Variants in LRRK1 observed in about 807,000 individuals in gnomAD.
The protein encoded by LRRK1 is leucine rich repeat kinase 1.
In LRRK1, 113 loss-of-function variants were observed where a neutral mutation model predicts 209.1. That is an observed-to-expected ratio of 0.54 (90% confidence interval 0.46 to 0.63). LRRK1 has a LOEUF of 0.63. Among genes scored for constraint, LRRK1 ranks in the 30% least tolerant of loss-of-function variants. The pLI is 0.00. For missense variants in LRRK1, 2,284 were observed against 2,632.2 expected (o/e 0.87, Z 2.89); for synonymous variants, 1,144 against 1,099.7 (o/e 1.04, Z -0.80).
At position 100,986,368 on chromosome 15, in the gene LRRK1, T is replaced by C. The variant is rs538481812; in HGVS notation, c.434-2266T>C. Reference sequence around the variant, plus strand: ...GGGGCTCCTCTGAGTGTCGTTGGCCTTAGGCTGTAGAGAGTACCTGTAGGG... The same window carrying C: ...GGGGCTCCTCTGAGTGTCGTTGGCCCTAGGCTGTAGAGAGTACCTGTAGGG... On this transcript the variant is annotated intron_variant, in intron 4 of 33. Transcript: ENST00000388948. 5.3e-5 allele frequency among the ~76,000 whole-genome samples: 8 copies of C among 152,342 alleles called. No individual in the cohort carries two copies. In the South Asian group the frequency reaches 1.7e-3, roughly 32 times the overall value.
chr15:100,992,598 A>G (rs2032203618), intron 6 of LRRK1, among the ~76,000 whole-genome samples: 1 of 152,146 alleles, frequency 6.6e-6, no homozygotes, highest in East Asian at 1.9e-4. Context: ...TTGTTATTTC[A>G]TTAATTTTCA....
At chr15:100,924,458 GAGGAGGAC>G in intron 1 of LRRK1, 45 bp from the exon 2 acceptor site, 1 of 597,650 alleles carries the variant, frequency 1.7e-6, no homozygotes, top group Non-Finnish European at 3.0e-6. Context: ...ATTTGCAGGG[GAGGAGGAC>G]AGGAATTATA....
rs60272012 is a variant in LRRK1 at position 101,031,738 on chromosome 15, A to ATT, written c.2963+2519_2963+2520dup. Among the ~76,000 whole-genome samples the ATT allele has an allele frequency of 3.7e-4, 53 of 142,774 alleles. 2 individuals are homozygous for ATT. The highest frequency in any genetic ancestry group is 1.6e-3 in the East Asian group (8 of 4,928). 93.7% of individuals were successfully genotyped at this position (142,774 alleles called of 152,430 possible). A position where few individuals can be genotyped will look rare whatever the true frequency, so the allele number is the denominator to read the frequency against. ...CTGTACACTCCATTTCCTCCCCACT[A>ATT]TTTTTTTTTTTTTTGAGATGGAGTC... On this transcript the variant is annotated intron_variant, in intron 20 of 33. Transcript: ENST00000388948.
intron 12 of LRRK1, among the ~76,000 whole-genome samples, chr15:101,016,806 G>A (rs941095738): frequency 6.6e-6 from 1 of 152,194 alleles, no homozygotes; most frequent in African/African-American, 2.4e-5. Context: ...AAGCCCACAT[G>A]GATCACGGCC....
chr15:101,022,261 G>T lies in LRRK1; in HGVS notation c.1853-122G>T. 1.0e-6 allele frequency: 1 copy of T among 973,140 alleles called. No homozygotes were observed. Among genetic ancestry groups the T allele is most frequent in the Non-Finnish European group, 1.6e-6 (1 of 631,394 alleles). 60.3% of individuals were successfully genotyped at this position (973,140 alleles called of 1,614,324 possible). On this transcript the variant is annotated intron_variant, in intron 14 of 33. Transcript: ENST00000388948. The surrounding 1 kb of genome is among the most constrained non-coding windows in gnomAD (Gnocchi z 4.0). ...TGCCTTCCCTCCCCCTGATCCAGTA[G>T]TCTTCCTTAACTGTCCCCACTAAAA...
intron 12 of LRRK1, among the ~76,000 whole-genome samples, chr15:101,016,606 G>A (rs1383783646): frequency 2.6e-5 from 4 of 152,120 alleles, no homozygotes; most frequent in East Asian, 1.9e-4. Context: ...TTAGAGCTTC[G>A]ACATATGAAT....
intron 2 of LRRK1, among the ~76,000 whole-genome samples, chr15:100,962,823 ATT>A (rs1161979293): frequency 0.098 from 1,116 of 11,360 alleles, 86 homozygotes; most frequent in East Asian, 0.31. Context: ...ATATATATAT[ATT>A]TTTTTTTTTT....
chr15:101,040,358 T>A (rs1390960022), intron 20 of LRRK1, among the ~76,000 whole-genome samples: 1 of 152,152 alleles, frequency 6.6e-6, no homozygotes, highest in Non-Finnish European at 1.5e-5. Flanking sequence ...ATCTCTGGAA[T>A]GTGTAGTGAT....
At chr15:101,064,720 A>G (rs1292387355) in intron 31 of LRRK1, 4 of 151,934 alleles carry the variant, frequency 2.6e-5, no homozygotes, top group African/African-American at 1.0e-4. Context: ...TTCTTCCAGA[A>G]TTAGTTCAGC....
At chr15:101,010,913 C>A in intron 9 of LRRK1, 76 bp downstream of exon 9, 3 of 1,365,376 alleles carry the variant, frequency 2.2e-6, no homozygotes, top group Middle Eastern at 2.1e-4. Context: ...CCCTCAGGTG[C>A]ATTATGTCAG....
Position 101,065,341 on chromosome 15 carries a change from C to T in LRRK1, c.4915-11C>T. 6.2e-7 allele frequency: 1 copy of T among 1,609,984 alleles called. No individual in the cohort carries two copies. The highest frequency in any genetic ancestry group is 8.5e-7 in the Non-Finnish European group (1 of 1,178,834). On this transcript the variant is annotated splice_polypyrimidine_tract_variant and intron_variant, in intron 31 of 33. Coordinates refer to ENST00000388948, the MANE Select transcript of LRRK1 (RefSeq NM_024652.6). ...GGAAGGATGTGACACATCCCTGTCT[C>T]CTTCCTTCAGAATTCCTACCTGGTC...
intron 3 of LRRK1, 77 bp downstream of exon 3, chr15:100,974,044 G>A (rs1465665898): frequency 5.4e-5 from 63 of 1,170,438 alleles, no homozygotes; most frequent in Non-Finnish European, 6.6e-5. Context: ...TGATTTTCTC[G>A]TTATTGTCAT....
chr15:100,928,957 C>T (rs1204138882), intron 2 of LRRK1, among the ~76,000 whole-genome samples: 9 of 152,156 alleles, frequency 5.9e-5, no homozygotes, highest in African/African-American at 9.7e-5. Flanking sequence ...AGCTCGCCTG[C>T]GGTGCAAGAG....
chr15:101,055,877 T>C (rs2035766431), intron 27 of LRRK1, among the ~76,000 whole-genome samples: 1 of 152,356 alleles, frequency 6.6e-6, no homozygotes, highest in African/African-American at 2.4e-5. Flanking sequence ...TCACCCAGCA[T>C]TAAAATTCCC....
At chr15:100,988,898 T>A in intron 5 of LRRK1, 85 bp downstream of exon 5, 1 of 1,167,944 alleles carries the variant, frequency 8.6e-7, no homozygotes, top group Non-Finnish European at 1.2e-6. Flanking sequence ...TTATTCTCAC[T>A]CTTGGCTCTC....
At chr15:100,966,435 C>G (rs2141642944) in intron 2 of LRRK1, among the ~76,000 whole-genome samples, 1 of 152,292 alleles carries the variant, frequency 6.6e-6, no homozygotes, top group South Asian at 2.1e-4. Flanking sequence ...ATATTCCCAT[C>G]ACGCAGGTCT....
At chr15:100,991,005 A>G (rs1343297116) in intron 6 of LRRK1, among the ~76,000 whole-genome samples, 1 of 152,058 alleles carries the variant, frequency 6.6e-6, no homozygotes, top group African/African-American at 2.4e-5. Flanking sequence ...ATTTGTGTGT[A>G]TTGTATGAGG....
chr15:101,003,354 G>T (rs1002091696), intron 6 of LRRK1, among the ~76,000 whole-genome samples: 1 of 152,204 alleles, frequency 6.6e-6, no homozygotes, highest in African/African-American at 2.4e-5. Flanking sequence ...TCTGGGAACA[G>T]GCAACATCTG....
chr15:100,960,112 C>T (rs2042846581), intron 2 of LRRK1, among the ~76,000 whole-genome samples: 2 of 152,050 alleles, frequency 1.3e-5, no homozygotes, highest in African/African-American at 4.8e-5. Context: ...GAGAAGTTCA[C>T]CTTGAATTCC....
Sources: allele counts gnomAD v4.1 joint callset (sites outside exome capture counted in the v4.1 genomes callset), GRCh38; gene constraint gnomAD v4.1.1; non-coding constraint Gnocchi (gnomAD v3.1); transcripts MANE v1.5; gene names NCBI Gene and HGNC (gene_info 2026-07-23, HGNC 2026-07-21).